Variants in BTBD2 observed in about 807,000 individuals in gnomAD.
BTBD2 encodes BTB/POZ domain-containing protein 2.
In BTBD2, 15 loss-of-function variants were observed where a neutral mutation model predicts 44.0. The observed-to-expected ratio is 0.34, with a 90% CI of 0.23 to 0.53. The LOEUF (loss-of-function observed/expected upper bound fraction) is 0.53, where lower values mean the gene tolerates loss of function less well. BTBD2 is among the 20% of genes least tolerant of loss of function. BTBD2 has a pLI of 0.95. For missense variants in BTBD2, 657 were observed against 746.4 expected, an observed-to-expected ratio of 0.88 and a Z score of 1.39; for synonymous variants, 443 against 335.9, an observed-to-expected ratio of 1.32 and a Z score of -3.49.
chr19:2,008,296 GC>G, intron 1 of BTBD2, among the ~76,000 whole-genome samples: 1 of 129,864 alleles, frequency 7.7e-6, no homozygotes, highest in East Asian at 2.6e-4. Flanking sequence ...GAGCCACTGC[GC>G]CCACTCTTTT....
intron 3 of BTBD2, 56 bp downstream of exon 3, chr19:1,992,958 CACCCCG>C: frequency 1.2e-6 from 1 of 856,838 alleles, no homozygotes; most frequent in Non-Finnish European, 1.6e-6. Flanking sequence ...CGGTCCGCCC[CACCCCG>C]GCCCCGCCTC....
In BTBD2 at chr19:1,990,167, C is replaced by T. The variant is rs200216414; in HGVS notation, c.825G>A (p.Leu275=). The T allele has an allele frequency of 6.2e-7, 1 of 1,608,434 alleles. No individual in the cohort carries two copies. Among genetic ancestry groups the T allele is most frequent in the Non-Finnish European group, 8.5e-7 (1 of 1,178,088 alleles). The part of the protein sequence containing the change: ...TLVAVLERDT[L]GIREVRLFNA... Reference sequence around the variant, plus strand: ...TGAACAGCCGCACCTCACGGATGCCCAGTGTGTCGCGCTCCAGGACAGCCA... The same window carrying T: ...TGAACAGCCGCACCTCACGGATGCCTAGTGTGTCGCGCTCCAGGACAGCCA... The change falls in exon 5 of 9, where the codon CTG becomes CTA. Residue 275 remains leucine, a synonymous_variant. Coordinates refer to ENST00000255608, the MANE Select transcript of BTBD2 (RefSeq NM_017797.4).
intron 1 of BTBD2, among the ~76,000 whole-genome samples, chr19:2,005,632 C>T (rs1235012594): frequency 1.3e-5 from 2 of 151,708 alleles, no homozygotes; most frequent in East Asian, 1.9e-4. Context: ...AAATACAAAA[C>T]GTAGTCAGGT....
At chr19:1,990,860 T>A in intron 3 of BTBD2, 38 bp from the exon 4 acceptor site, 1 of 1,507,706 alleles carries the variant, frequency 6.6e-7, no homozygotes, top group Non-Finnish European at 8.9e-7. Context: ...GGTGGGGACA[T>A]CAGCACCCAG....
chr19:1,991,692 C>T (rs1022490954), intron 3 of BTBD2, among the ~76,000 whole-genome samples: 2 of 152,206 alleles, frequency 1.3e-5, no homozygotes, highest in Non-Finnish European at 2.9e-5. Context: ...GACCCAGTGC[C>T]GCTGTCCCCT....
At chr19:1,995,455 T>C (rs1407069531) in intron 2 of BTBD2, among the ~76,000 whole-genome samples, 11 of 147,498 alleles carry the variant, frequency 7.5e-5, no homozygotes, top group Non-Finnish European at 1.5e-5. Flanking sequence ...CTAATTTTTT[T>C]GTATTTTTAG....
intron 3 of BTBD2, 102 bp downstream of exon 3, chr19:1,992,918 C>G: frequency 9.6e-7 from 1 of 1,041,492 alleles, no homozygotes; most frequent in Non-Finnish European, 1.2e-6. Flanking sequence ...CTCCCGGGCC[C>G]GCCCCCGGCC....
intron 1 of BTBD2, among the ~76,000 whole-genome samples, chr19:2,009,167 C>T (rs148856786): frequency 1.3e-5 from 2 of 150,414 alleles, no homozygotes; most frequent in Non-Finnish European, 2.9e-5. Flanking sequence ...TACAGGCGCT[C>T]GCCACCACGC....
Position 1,990,154 on chromosome 19 carries a change from C to T in BTBD2, c.838G>A (p.Val280Met). 7 of 1,611,022 alleles carry T rather than the reference C, an allele frequency of 4.3e-6. No homozygotes were observed. The highest frequency in any genetic ancestry group is 5.9e-6 in the Non-Finnish European group (7 of 1,179,170). Residue 280 changes from valine (V) to methionine (M), a missense_variant, in exon 5 of 9, where the codon GTG becomes ATG. Physicochemically the swap from Val to Met is conservative, Grantham distance 21. Coordinates refer to ENST00000255608, the MANE Select transcript of BTBD2 (RefSeq NM_017797.4). The part of the protein sequence containing the change: ...LERDTLGIRE[V>M]RLFNAVVRWS... ...CGGACAACGGCATTGAACAGCCGCACCTCACGGATGCCCAGTGTGTCGCGC... is the reference window on the plus strand; with the variant it reads ...CGGACAACGGCATTGAACAGCCGCATCTCACGGATGCCCAGTGTGTCGCGC...
intron 1 of BTBD2, among the ~76,000 whole-genome samples, chr19:1,998,167 C>T (rs2016276756): frequency 2.0e-5 from 3 of 152,236 alleles, no homozygotes; most frequent in South Asian, 4.1e-4. Flanking sequence ...TTCATTCACA[C>T]TCGTCTACTC....
intron 1 of BTBD2, among the ~76,000 whole-genome samples, chr19:2,008,589 C>CAT (rs1204551829): frequency 1.6e-5 from 2 of 126,596 alleles, no homozygotes; most frequent in Non-Finnish European, 3.2e-5. Flanking sequence ...CTGTGCCCAG[C>CAT]TTTTTTTTTT....
Position 1,986,452 on chromosome 19 carries a change from C to G in BTBD2, c.*36G>C, listed in dbSNP as rs1383439054. ...GATGATGGCCTGGGGCTGCGGCTATCCCCACGGAGGGAGGGCGGTGTCGGT... is the reference window on the plus strand; with the variant it reads ...GATGATGGCCTGGGGCTGCGGCTATGCCCACGGAGGGAGGGCGGTGTCGGT... On this transcript the variant is annotated 3_prime_UTR_variant, in exon 9 of 9. Transcript: ENST00000255608. The G allele has an allele frequency of 4.4e-6, 7 of 1,607,324 alleles. No homozygotes were observed. The highest frequency in any genetic ancestry group is 1.7e-5 in the Admixed American group (1 of 59,854).
chr19:1,993,251 TCA>T, intron 2 of BTBD2, 75 bp from the exon 3 acceptor site: 1 of 1,506,784 alleles, frequency 6.6e-7, no homozygotes. Context: ...AGGGGACCAC[TCA>T]GACCGTTAGA....
intron 1 of BTBD2, among the ~76,000 whole-genome samples, chr19:2,010,122 A>C (rs2016445684): frequency 6.6e-6 from 1 of 152,240 alleles, no homozygotes; most frequent in Non-Finnish European, 1.5e-5. Context: ...ACTGGACTCC[A>C]GCCTGGGCAA....
chr19:2,013,404 G>C (rs921945490), intron 1 of BTBD2: 2 of 619,042 alleles, frequency 3.2e-6, no homozygotes, highest in Non-Finnish European at 4.0e-6. Context: ...CTGGGGGCTG[G>C]GGAGGGAGGG....
chr19:1,997,484 C>T (rs1434146999), intron 1 of BTBD2, 21 bp from the exon 2 acceptor site: 2 of 1,613,328 alleles, frequency 1.2e-6, no homozygotes, highest in Non-Finnish European at 8.5e-7. Context: ...AGAGAGAAGG[C>T]CCTGGTTAAG....
intron 5 of BTBD2, chr19:1,989,572 G>A (rs913499077): frequency 5.4e-5 from 14 of 261,396 alleles, no homozygotes; most frequent in Admixed American, 5.0e-4. Flanking sequence ...CATCGTTAGC[G>A]CTGCCCCTTC....
At chr19:2,013,764 T>G in intron 1 of BTBD2, 4 of 827,094 alleles carry the variant, frequency 4.8e-6, no homozygotes, top group Non-Finnish European at 5.8e-6. Context: ...CCAGATCATG[T>G]GCTGAGCCTG....
chr19:1,988,603 T>TCCC (rs2016127785), intron 5 of BTBD2: 1 of 151,086 alleles, frequency 6.6e-6, no homozygotes, highest in South Asian at 2.1e-4. Flanking sequence ...TTCGCTCTTG[T>TCCC]CCCCCAGGCT....
Sources: gnomAD v4.1 joint callset for allele counts (sites outside exome capture counted in the v4.1 genomes callset) on GRCh38, gnomAD v4.1.1 for gene constraint, MANE v1.5 for transcripts, NCBI Gene and HGNC (gene_info 2026-07-23, HGNC 2026-07-21) for gene names.